LRIG1: variants seen among roughly 807,000 people sequenced by gnomAD.
LRIG1 encodes leucine-rich repeats and immunoglobulin-like domains protein 1.
LRIG1 carries 48 observed loss-of-function variants against 99.2 expected under a neutral mutation model. The ratio of observed to expected loss-of-function variants is 0.48; its 90% CI spans 0.38 to 0.62. The LOEUF (loss-of-function observed/expected upper bound fraction) is 0.62, where lower values mean the gene tolerates loss of function less well. LRIG1 is among the 20% of genes least tolerant of loss of function. The pLI, the probability that LRIG1 is intolerant of heterozygous loss-of-function variation, is 0.00. For synonymous variants in LRIG1, 772 were observed against 596.1 expected (o/e 1.29, Z -4.30); for missense variants, 1,646 against 1,434.4 (o/e 1.15, Z -2.38).
At position 66,382,518 on chromosome 3, in the gene LRIG1, G is replaced by A. The variant is rs113193902; in HGVS notation, c.2492-120C>T. 7.8e-6 allele frequency: 9 copies of A among 1,155,674 alleles called. No individual in the cohort carries two copies. The African/African-American group carries it at 7.9e-5, about 10-fold the overall frequency. 71.6% of individuals were successfully genotyped at this position (1,155,674 alleles called of 1,614,324 possible). A position where few individuals can be genotyped will look rare whatever the true frequency, so the allele number is the denominator to read the frequency against. On this transcript the variant is annotated intron_variant, in intron 15 of 18. Coordinates refer to ENST00000273261, the MANE Select transcript of LRIG1 (RefSeq NM_015541.3). ...GTGACGACCATCAGCGCTGTGCAGA[G>A]AGATGACATGGAGTCCATGTACGCA...
intron 3 of LRIG1, among the ~76,000 whole-genome samples, chr3:66,442,241 G>T (rs1012967612): frequency 6.6e-6 from 1 of 152,148 alleles, no homozygotes; most frequent in African/African-American, 2.4e-5. Context: ...GAAAGGCCCG[G>T]CATAAACACA....
At chr3:66,407,837 A>G (rs758546825) in intron 7 of LRIG1, among the ~76,000 whole-genome samples, 2 of 152,166 alleles carry the variant, frequency 1.3e-5, no homozygotes, top group Non-Finnish European at 2.9e-5. Flanking sequence ...GCAGCTCCTG[A>G]TTCAGGCTAC....
At position 66,417,184 on chromosome 3, in the gene LRIG1, T is replaced by C; in HGVS notation, c.448A>G (p.Asn150Asp). The C allele has an allele frequency of 6.2e-7, 1 of 1,614,234 alleles. No individual in the cohort carries two copies. The highest frequency in any genetic ancestry group is 8.5e-7 in the Non-Finnish European group (1 of 1,180,044). Residue 150 changes from asparagine (N) to aspartate (D), a missense_variant, in exon 4 of 19, where the codon AAC (asparagine) becomes GAC (aspartate). Coordinates refer to ENST00000273261, the MANE Select transcript of LRIG1 (RefSeq NM_015541.3). ...SLEVLDLSLNNITEVRNTCFP... is the reference protein window; with the variant it reads ...SLEVLDLSLNDITEVRNTCFP... ...CAGGTGTTCCGCACTTCCGTGATGTTGTTCAAACTCAGATCTAACACTTCT... is the reference window on the plus strand; with the variant it reads ...CAGGTGTTCCGCACTTCCGTGATGTCGTTCAAACTCAGATCTAACACTTCT...
In LRIG1 at chr3:66,394,005, A is replaced by C. The variant is rs1383885852; in HGVS notation, c.1468+35T>G. ...GTACCTCCTGGCTTCCTTGTCCTTC[A>C]TGAAGGAGAGAAAAAGTTACAAAGA... On this transcript the variant is annotated intron_variant, in intron 12 of 18. Transcript: ENST00000273261. The C allele has an allele frequency of 4.3e-6, 7 of 1,611,104 alleles. 1 individual carries two copies. The Middle Eastern group carries it at 4.9e-4, about 114-fold the overall frequency.
intron 1 of LRIG1, among the ~76,000 whole-genome samples, chr3:66,471,902 C>T (rs1559816386): frequency 6.6e-6 from 1 of 152,276 alleles, no homozygotes; most frequent in East Asian, 1.9e-4. Context: ...CCTCCACATC[C>T]GCCCCTGGCC....
intron 1 of LRIG1, among the ~76,000 whole-genome samples, chr3:66,478,858 C>T (rs1324911519): frequency 6.6e-6 from 1 of 152,092 alleles, no homozygotes; most frequent in Non-Finnish European, 1.5e-5. Flanking sequence ...AAAACCTGAC[C>T]CTCTACCCCC....
At chr3:66,429,087 C>T (rs1308335198) in intron 3 of LRIG1, among the ~76,000 whole-genome samples, 1 of 152,218 alleles carries the variant, frequency 6.6e-6, no homozygotes. Flanking sequence ...CCTCCCAACC[C>T]GTTCACTTCC....
At chr3:66,467,387 G>A (rs957653136) in intron 1 of LRIG1, among the ~76,000 whole-genome samples, 1 of 133,396 alleles carries the variant, frequency 7.5e-6, no homozygotes, top group Non-Finnish European at 1.5e-5. Flanking sequence ...TTGAGATGGA[G>A]TCTCGCTCTG....
At chr3:66,401,693 G>A in intron 9 of LRIG1, 1 of 1,521,232 alleles carries the variant, frequency 6.6e-7, no homozygotes, top group Non-Finnish European at 8.8e-7. Context: ...GCTGCCAGGA[G>A]AAAGGAGAGG....
chr3:66,421,041 C>A (rs1220482329), intron 3 of LRIG1, among the ~76,000 whole-genome samples: 1 of 152,154 alleles, frequency 6.6e-6, no homozygotes, highest in Non-Finnish European at 1.5e-5. Flanking sequence ...TCTTATGAGA[C>A]TCATTCACTA....
intron 1 of LRIG1, among the ~76,000 whole-genome samples, chr3:66,477,283 A>G (rs1371236655): frequency 1.3e-5 from 2 of 152,180 alleles, no homozygotes; most frequent in African/African-American, 4.8e-5. Flanking sequence ...GTGGCACTTC[A>G]AAATGTTATT....
chr3:66,438,003 G>A (rs1375997553), intron 3 of LRIG1, among the ~76,000 whole-genome samples: 1 of 152,196 alleles, frequency 6.6e-6, no homozygotes. Context: ...AGGATGGGAA[G>A]CCACGAAGGG....
intron 2 of LRIG1, among the ~76,000 whole-genome samples, chr3:66,456,572 TAA>T (rs35291779): frequency 0.03 from 3,689 of 121,648 alleles, 67 homozygotes; most frequent in Admixed American, 0.056. Flanking sequence ...GATCCTGTCT[TAA>T]AAAAAAAAAA....
At chr3:66,389,013 A>G (rs1218734503) in intron 12 of LRIG1, among the ~76,000 whole-genome samples, 1 of 152,200 alleles carries the variant, frequency 6.6e-6, no homozygotes, top group Non-Finnish European at 1.5e-5. Context: ...TTAAAAGACA[A>G]CTACATAAAC....
At chr3:66,399,980 G>C (rs899969356) in intron 9 of LRIG1, among the ~76,000 whole-genome samples, 16 of 152,238 alleles carry the variant, frequency 1.1e-4, no homozygotes, top group Admixed American at 2.6e-4. Flanking sequence ...CTCAGGGCCT[G>C]CAGGAGATGC....
chr3:66,405,094 G>A (rs971377196), intron 9 of LRIG1, 104 bp downstream of exon 9: 32 of 964,116 alleles, frequency 3.3e-5, no homozygotes, highest in Non-Finnish European at 5.2e-5. Flanking sequence ...CTCCTCTTCC[G>A]CCTGGGCCCA....
chr3:66,407,618 T>TGCGC (rs938486467), intron 7 of LRIG1, 127 bp from the exon 8 acceptor site: 1 of 867,272 alleles, frequency 1.2e-6, no homozygotes, highest in African/African-American at 1.8e-5. Flanking sequence ...CGCACGCGCG[T>TGCGC]GCGTGCACAC....
intron 3 of LRIG1, among the ~76,000 whole-genome samples, chr3:66,424,301 A>G (rs902590141): frequency 1.3e-5 from 2 of 151,064 alleles, no homozygotes; most frequent in African/African-American, 4.9e-5. Flanking sequence ...AAACCCCACC[A>G]ACCCCACCAT....
chr3:66,471,691 G>A (rs894328104), intron 1 of LRIG1, among the ~76,000 whole-genome samples: 13 of 152,186 alleles, frequency 8.5e-5, no homozygotes, highest in South Asian at 2.1e-4. Flanking sequence ...GGCAGAAAAC[G>A]GAGACTTTTG....
Sources: allele counts gnomAD v4.1 joint callset (sites outside exome capture counted in the v4.1 genomes callset), GRCh38; gene constraint gnomAD v4.1.1; transcripts MANE v1.5; gene names NCBI Gene and HGNC (gene_info 2026-07-23, HGNC 2026-07-21).